Variants in CREBBP observed in about 807,000 individuals in gnomAD.
CREBBP encodes the protein CREB binding lysine acetyltransferase.
In CREBBP, 19 loss-of-function variants were observed where a neutral mutation model predicts 265.0. The observed-to-expected ratio is 0.07, with a 90% CI of 0.05 to 0.11. The LOEUF (loss-of-function observed/expected upper bound fraction) is 0.11. CREBBP is among the 10% of genes least tolerant of loss of function. CREBBP has a pLI of 1.00. For missense variants in CREBBP, 2,525 were observed against 3,219.0 expected, an observed-to-expected ratio of 0.78 and a Z score of 5.22; for synonymous variants, 1,457 against 1,223.7, an observed-to-expected ratio of 1.19 and a Z score of -3.98.
At chr16:3,811,067 G>A (rs1425084493) in intron 2 of CREBBP, among the ~76,000 whole-genome samples, 2 of 151,854 alleles carry the variant, frequency 1.3e-5, no homozygotes, top group African/African-American at 4.8e-5. Flanking sequence ...AACACCCGAA[G>A]AAAGTCATTT....
chr16:3,725,944 T>C lies in CREBBP; in HGVS notation c.*1774A>G, dbSNP rs1426917262. 8.6e-6 allele frequency: 2 copies of C among 232,928 alleles called. No homozygotes were observed. The highest frequency in any genetic ancestry group is 1.7e-5 in the Non-Finnish European group (2 of 117,954). The allele number at this position is 232,928 out of a possible 1,614,324, so 14.4% of individuals were successfully genotyped here. A position where few individuals can be genotyped will look rare whatever the true frequency, so the allele number is the denominator to read the frequency against. On this transcript the variant is annotated 3_prime_UTR_variant, in exon 31 of 31. Transcript: ENST00000262367. Reference sequence around the variant, plus strand: ...TGAACTTCAGCTCCCCTGCCCATGGTCCTCCTCTCAGTTTTACGGTTTTTG... The same window carrying C: ...TGAACTTCAGCTCCCCTGCCCATGGCCCTCCTCTCAGTTTTACGGTTTTTG...
chr16:3,751,890 G>A (rs2052482654), intron 19 of CREBBP, 84 bp from the exon 20 acceptor site: 3 of 1,341,466 alleles, frequency 2.2e-6, no homozygotes, highest in Non-Finnish European at 3.2e-6. Flanking sequence ...AATCAGAGCA[G>A]GGCAGAGCAC....
chr16:3,728,995 G>A lies in CREBBP; in HGVS notation c.6052C>T (p.Pro2018Ser), dbSNP rs776376788. The stretch of plus-strand genomic sequence containing the variant: ...AGGGGCGCCTGCTGCCACTGCCCGG[G>A]AGGCATGCTGGGCATGACGGGCCCG... ...VSGPVMPSMP[P>S]GQWQQAPLPQ... Residue 2018 changes from proline to serine, a missense_variant, in exon 31 of 31, where the codon CCC becomes TCC. Around this residue, in one of 19 missense-constraint regions of CREBBP, gnomAD observed 275 missense variants for 276.5 expected, o/e 0.99. Transcript: ENST00000262367. This position sits in a 1 kb window ranked among gnomAD's most constrained non-coding sequence, Gnocchi z 8.7. The A allele has an allele frequency of 1.9e-6, 3 of 1,595,224 alleles. No individual in the cohort carries two copies. Among genetic ancestry groups the A allele is most frequent in the South Asian group, 1.1e-5 (1 of 90,076 alleles).
chr16:3,768,306 C>T (rs977495066), intron 15 of CREBBP, among the ~76,000 whole-genome samples: 14 of 151,492 alleles, frequency 9.2e-5, no homozygotes, highest in African/African-American at 2.2e-4. Flanking sequence ...CCACCACACT[C>T]GGCTAATTTT....
At chr16:3,861,310 C>A (rs544479047) in intron 1 of CREBBP, among the ~76,000 whole-genome samples, 7 of 152,282 alleles carry the variant, frequency 4.6e-5, no homozygotes, top group African/African-American at 1.7e-4. Flanking sequence ...GACAGTAGCA[C>A]CTGCTTCGCA....
In CREBBP at chr16:3,792,101, C is replaced by T. The variant is rs2053519519; in HGVS notation, c.1217-7G>A. On this transcript the variant is annotated splice_region_variant and splice_polypyrimidine_tract_variant and intron_variant, in intron 4 of 30. Coordinates refer to ENST00000262367, the MANE Select transcript of CREBBP (RefSeq NM_004380.3). Reference sequence around the variant, plus strand: ...GAAGATGCACAATGGGCAACTATGACCAGAAAAACAACGAGATGTTATTTT... The same window carrying T: ...GAAGATGCACAATGGGCAACTATGATCAGAAAAACAACGAGATGTTATTTT... The T allele has an allele frequency of 1.2e-5, 19 of 1,599,842 alleles. No homozygotes were observed. The highest frequency in any genetic ancestry group is 1.6e-5 in the Non-Finnish European group (19 of 1,166,978).
chr16:3,823,117 T>C (rs892392287), intron 2 of CREBBP, among the ~76,000 whole-genome samples: 3 of 152,206 alleles, frequency 2.0e-5, no homozygotes, highest in African/African-American at 7.2e-5. Context: ...CACCAAAATA[T>C]TTCATAGTGA....
Position 3,850,322 on chromosome 16 carries a change from G to A in CREBBP, c.773C>T (p.Thr258Ile). The A allele has an allele frequency of 6.2e-7, 1 of 1,614,216 alleles. No individual in the cohort carries two copies. The highest frequency in any genetic ancestry group is 8.5e-7 in the Non-Finnish European group (1 of 1,180,040). The change falls in exon 2 of 31, where the codon ACC becomes ATC. Residue 258 changes from threonine to isoleucine, a missense_variant. Physicochemically the swap from Thr to Ile is moderately conservative, Grantham distance 89. Coordinates refer to ENST00000262367, the MANE Select transcript of CREBBP (RefSeq NM_004380.3). ...PQMTGHAGLN[T>I]AQAGGMAKMG... Reference sequence around the variant, plus strand: ...CTTGGCCATGCCTCCTGCCTGTGCGGTGTTCAGTCCCGCGTGACCAGTCAT... The same window carrying A: ...CTTGGCCATGCCTCCTGCCTGTGCGATGTTCAGTCCCGCGTGACCAGTCAT...
chr16:3,855,430 A>G (rs1274691240), intron 1 of CREBBP, among the ~76,000 whole-genome samples: 1 of 152,098 alleles, frequency 6.6e-6, no homozygotes, highest in East Asian at 1.9e-4. Flanking sequence ...GCACCCGGCT[A>G]ACGTTTGTAT....
intron 21 of CREBBP, among the ~76,000 whole-genome samples, chr16:3,745,896 G>C (rs983819813): frequency 2.0e-5 from 3 of 152,228 alleles, no homozygotes; most frequent in Admixed American, 6.5e-5. Context: ...AATGTGTCAG[G>C]CCTACTGGCA....
intron 2 of CREBBP, among the ~76,000 whole-genome samples, chr16:3,834,481 A>G (rs2054403461): frequency 6.6e-6 from 1 of 152,232 alleles, no homozygotes; most frequent in South Asian, 2.1e-4. Context: ...CTTTACAAAA[A>G]GGCAAAACTA....
chr16:3,780,987 G>A, intron 7 of CREBBP, 109 bp from the exon 8 acceptor site: 2 of 1,276,124 alleles, frequency 1.6e-6, no homozygotes, highest in Non-Finnish European at 2.2e-6. Context: ...TTTAAGTCAG[G>A]AGAGCCAAGT....
In CREBBP at chr16:3,729,206, G is replaced by C. The variant is rs754336198; in HGVS notation, c.5841C>G (p.Pro1947=). The C allele has an allele frequency of 2.6e-6, 4 of 1,530,630 alleles. No homozygotes were observed. In the African/African-American group the frequency reaches 4.1e-5, roughly 16 times the overall value. The allele number at this position is 1,530,630 out of a possible 1,614,324, so 94.8% of individuals were successfully genotyped here. Residue 1947 remains proline, a synonymous_variant, in exon 31 of 31, where the codon CCC becomes CCG. Coordinates refer to ENST00000262367, the MANE Select transcript of CREBBP (RefSeq NM_004380.3). ...KPTSQVPAPP[P]PAQPPPAAVE... is the part of the protein sequence containing the mutation. ...CCGCTGCAGGAGGGGGCTGGGCCGG[G>C]GGTGGGGGGGCCGGCACCTGGCTGG...
intron 21 of CREBBP, among the ~76,000 whole-genome samples, chr16:3,749,172 A>C (rs2052417985): frequency 6.6e-6 from 1 of 152,108 alleles, no homozygotes; most frequent in South Asian, 2.1e-4. Flanking sequence ...AAAAACAACA[A>C]CAAAAAAAGT....
rs566584490 is a variant in CREBBP, at chr16:3,750,011, C to T, written c.3780-328G>A. ...AACCTCCTAGGCTCAAGTGATCCTC[C>T]TGGGTAGCTGGGACTATAGGCATGC... is the stretch of plus-strand genomic sequence containing the variant. On this transcript the variant is annotated intron_variant, in intron 20 of 30. Coordinates refer to ENST00000262367, the MANE Select transcript of CREBBP (RefSeq NM_004380.3). Among the ~76,000 whole-genome samples the T allele has an allele frequency of 2.0e-5, 3 of 152,236 alleles. 1 individual carries two copies. The South Asian group carries it at 6.2e-4, about 32-fold the overall frequency.
chr16:3,873,516 A>C (rs1490747186), intron 1 of CREBBP, among the ~76,000 whole-genome samples: 1 of 152,194 alleles, frequency 6.6e-6, no homozygotes, highest in East Asian at 1.9e-4. Flanking sequence ...GTCTTGCTCC[A>C]ATCAGACTAG....
chr16:3,802,755 T>A (rs1329843136), intron 3 of CREBBP, among the ~76,000 whole-genome samples: 1 of 151,948 alleles, frequency 6.6e-6, no homozygotes, highest in African/African-American at 2.4e-5. Flanking sequence ...ATGCCCCGGA[T>A]CCACACCAGG....
intron 13 of CREBBP, among the ~76,000 whole-genome samples, chr16:3,771,790 C>T (rs2053015317): frequency 6.7e-6 from 1 of 149,312 alleles, no homozygotes; most frequent in Non-Finnish European, 1.5e-5. Flanking sequence ...TGGAATGGCA[C>T]TCAATTTAAA....
intron 2 of CREBBP, among the ~76,000 whole-genome samples, chr16:3,840,090 C>A (rs1567352891): frequency 6.6e-6 from 1 of 152,136 alleles, no homozygotes; most frequent in East Asian, 1.9e-4. Context: ...CATGGCACTA[C>A]ATAGTTTCAT....
Sources: allele counts gnomAD v4.1 joint callset (sites outside exome capture counted in the v4.1 genomes callset), GRCh38; gene constraint gnomAD v4.1.1; regional missense constraint gnomAD v4.1.1; non-coding constraint Gnocchi (gnomAD v3.1); transcripts MANE v1.5; gene names NCBI Gene and HGNC (gene_info 2026-07-23, HGNC 2026-07-21).